The following PTK2 variants were observed in gnomAD, a reference collection of about 807,000 sequenced individuals.
PTK2 encodes the protein focal adhesion kinase 1.
Under a neutral mutation model 150.1 loss-of-function variants are expected in PTK2, and 45 were observed. That is an observed-to-expected ratio of 0.30 (90% confidence interval 0.24 to 0.38). The LOEUF (loss-of-function observed/expected upper bound fraction) is 0.38. Among genes scored for constraint, PTK2 ranks in the 10% least tolerant of loss-of-function variants. The probability of loss-of-function intolerance (pLI) is 1.00; values close to 1 mark genes in which losing one functional copy is unlikely to be tolerated. For synonymous variants in PTK2, 432 were observed against 449.2 expected (o/e 0.96, Z 0.48); for missense variants, 919 against 1,307.3 (o/e 0.70, Z 4.58).
chr8:140,877,651 GTCA>G (rs1237390183), intron 4 of PTK2, among the ~76,000 whole-genome samples: 2 of 151,688 alleles, frequency 1.3e-5, no homozygotes, highest in Non-Finnish European at 2.9e-5. Context: ...AGGCATCAAT[GTCA>G]TCATCATCAT....
At chr8:140,970,140 A>G (rs1249210018) in intron 1 of PTK2, among the ~76,000 whole-genome samples, 2 of 152,214 alleles carry the variant, frequency 1.3e-5, no homozygotes, top group African/African-American at 4.8e-5. Context: ...CAATTCTGAG[A>G]CCTCTGCCCA....
At chr8:140,890,372 C>A in intron 3 of PTK2, 171 bp downstream of exon 3, 1 of 520,190 alleles carries the variant, frequency 1.9e-6, no homozygotes, top group Non-Finnish European at 3.3e-6. Context: ...AATTAGAACG[C>A]TGGTCAGTCA....
intron 6 of PTK2, 98 bp downstream of exon 6, chr8:140,846,500 CT>C: frequency 1.7e-6 from 2 of 1,174,026 alleles, no homozygotes; most frequent in East Asian, 2.5e-5. Flanking sequence ...CAGTATTTCA[CT>C]GATAATCCTT....
chr8:140,808,347 G>C (rs1436734439), intron 10 of PTK2, among the ~76,000 whole-genome samples: 1 of 152,136 alleles, frequency 6.6e-6, no homozygotes, highest in Non-Finnish European at 1.5e-5. Flanking sequence ...AGTGTGGCAG[G>C]CAGAAATGTG....
intron 1 of PTK2, among the ~76,000 whole-genome samples, chr8:140,956,237 A>G (rs1227206188): frequency 6.6e-6 from 1 of 152,242 alleles, no homozygotes; most frequent in Non-Finnish European, 1.5e-5. Flanking sequence ...TAAAGCTTCC[A>G]AAGAATTTTT....
chr8:140,848,303 A>G (rs917743199), intron 5 of PTK2, among the ~76,000 whole-genome samples: 2 of 152,152 alleles, frequency 1.3e-5, no homozygotes, highest in Admixed American at 6.5e-5. Context: ...TTTACTCATT[A>G]TTTTCTCTTA....
chr8:140,898,992 C>T (rs937079354), intron 2 of PTK2, among the ~76,000 whole-genome samples: 1 of 152,114 alleles, frequency 6.6e-6, no homozygotes, highest in Non-Finnish European at 1.5e-5. Context: ...AAAGTGACTC[C>T]TTAAACTAAA....
chr8:140,676,769 A>AAAAAAAAAAAAG (rs2100014061), intron 27 of PTK2, among the ~76,000 whole-genome samples: 1 of 137,936 alleles, frequency 7.2e-6, no homozygotes, highest in Non-Finnish European at 1.5e-5. Flanking sequence ...CTACTTTAAA[A>AAAAAAAAAAAAG]AAAAAAAAAA....
At chr8:140,736,790 T>C (rs889511980) in intron 21 of PTK2, among the ~76,000 whole-genome samples, 3 of 152,222 alleles carry the variant, frequency 2.0e-5, no homozygotes, top group African/African-American at 4.8e-5. Context: ...TTCTTTATAA[T>C]GCTTTTCCTC....
chr8:140,949,773 G>C lies in PTK2; in HGVS notation c.-121-24024C>G, dbSNP rs373128517. On this transcript the variant is annotated intron_variant, in intron 1 of 31. Transcript: ENST00000522684. ...TGTTGATGGTGGGAGAAGGCAGAAA[G>C]GCTCCTGGATAGAAAGGGGCAGGTC... 2.0e-5 allele frequency among the ~76,000 whole-genome samples: 3 copies of C among 152,150 alleles called. No homozygotes were observed. In the East Asian group the frequency reaches 5.8e-4, roughly 29 times the overall value.
Position 140,949,234 on chromosome 8 carries a change from G to A in PTK2, c.-121-23485C>T, listed in dbSNP as rs1162291399. The stretch of plus-strand genomic sequence containing the variant: ...ACAGTATATAATACATATACAAAAC[G>A]TGTTAATCAACTGTTTATATTCTCA... On this transcript the variant is annotated intron_variant, in intron 1 of 31. Coordinates refer to ENST00000522684, the Ensembl canonical transcript of PTK2. Among the ~76,000 whole-genome samples, 6 of 151,896 alleles carry A rather than the reference G, an allele frequency of 4.0e-5. No individual in the cohort carries two copies. The East Asian group carries it at 5.8e-4, about 15-fold the overall frequency.
rs1374269578 is a variant in PTK2 at position 140,964,370 on chromosome 8, G to A, written c.-122+36755C>T. Reference sequence around the variant, plus strand: ...GCCTCCCTCAGCCACACCATCACGCGCCAGCTAATTTCTTTTTTTTTTTCT... The same window carrying A: ...GCCTCCCTCAGCCACACCATCACGCACCAGCTAATTTCTTTTTTTTTTTCT... On this transcript the variant is annotated intron_variant, in intron 1 of 31. Transcript: ENST00000522684. 3.3e-5 allele frequency among the ~76,000 whole-genome samples: 5 copies of A among 151,278 alleles called. No homozygotes were observed. In the East Asian group the frequency reaches 5.8e-4, roughly 18 times the overall value.
chr8:140,959,483 G>A (rs1212722454), intron 1 of PTK2, among the ~76,000 whole-genome samples: 7 of 148,148 alleles, frequency 4.7e-5, no homozygotes, highest in Non-Finnish European at 7.4e-5. Flanking sequence ...AGCTTGCAGT[G>A]AGCGGAGATC....
intron 10 of PTK2, among the ~76,000 whole-genome samples, chr8:140,805,250 T>C (rs1455248405): frequency 6.6e-6 from 1 of 152,124 alleles, no homozygotes; most frequent in Non-Finnish European, 1.5e-5. Flanking sequence ...CCTCCAGGCT[T>C]CTTGACTTCA....
At chr8:140,932,930 T>C (rs11167008) in intron 1 of PTK2, among the ~76,000 whole-genome samples, 3 of 151,532 alleles carry the variant, frequency 2.0e-5, no homozygotes, top group Admixed American at 2.0e-4. Flanking sequence ...CGGCTCACTG[T>C]AACCTCTGCT....
chr8:140,727,895 T>A (rs926811590), intron 22 of PTK2, among the ~76,000 whole-genome samples: 1 of 152,046 alleles, frequency 6.6e-6, no homozygotes, highest in Non-Finnish European at 1.5e-5. Context: ...CTACACTTTT[T>A]AGAAAAGTAG....
chr8:140,771,131 A>T (rs1460674139), intron 14 of PTK2: 1 of 156,866 alleles, frequency 6.4e-6, no homozygotes. Context: ...ACCAATAAAT[A>T]ATTCAAGACT....
At chr8:140,824,595 T>G (rs144756942) in intron 8 of PTK2, among the ~76,000 whole-genome samples, 1 of 152,314 alleles carries the variant, frequency 6.6e-6, no homozygotes, top group African/African-American at 2.4e-5. Context: ...TGGTGTTCAG[T>G]GCTGGACAGA....
At chr8:140,770,944 T>C (rs2100075145) in intron 14 of PTK2, 145 bp from the exon 15 acceptor site, 1 of 236,108 alleles carries the variant, frequency 4.2e-6, no homozygotes, top group African/African-American at 2.3e-5. Context: ...GCATGCCTTA[T>C]TTCTTACTAT....
Sources: allele counts gnomAD v4.1 joint callset (sites outside exome capture counted in the v4.1 genomes callset), GRCh38; gene constraint gnomAD v4.1.1; transcripts MANE v1.5; gene names NCBI Gene and HGNC (gene_info 2026-07-23, HGNC 2026-07-21).